The following ART3 variants were observed in gnomAD, a reference collection of about 807,000 sequenced individuals.
ART3 encodes the protein ecto-ADP-ribosyltransferase 3.
A neutral mutation model predicts 48.5 loss-of-function variants in ART3; 49 were observed. That is an observed-to-expected ratio of 1.01 (90% confidence interval 0.80 to 1.28). ART3 has a LOEUF of 1.28. Ranked by LOEUF, ART3 falls within the 50% of genes most tolerant of loss-of-function variation. The pLI, the probability that ART3 is intolerant of heterozygous loss-of-function variation, is 0.00. For synonymous variants in ART3, 145 were observed against 157.2 expected (o/e 0.92, Z 0.58); for missense variants, 438 against 454.3 (o/e 0.96, Z 0.33).
intron 1 of ART3, among the ~76,000 whole-genome samples, chr4:76,067,091 G>T (rs1719816617): frequency 6.6e-6 from 1 of 152,226 alleles, no homozygotes; most frequent in Admixed American, 6.5e-5. Context: ...AGGCCAACTG[G>T]AGTGGCTGCC....
Position 76,112,713 on chromosome 4 carries a change from A to C in ART3, c.*194A>C. 4.0e-6 allele frequency: 2 copies of C among 496,114 alleles called. No individual in the cohort carries two copies. The highest frequency in any genetic ancestry group is 4.6e-5 in the South Asian group (1 of 21,864). 30.7% of individuals were successfully genotyped at this position (496,114 alleles called of 1,614,324 possible). On this transcript the variant is annotated 3_prime_UTR_variant, in exon 12 of 12. Transcript: ENST00000355810. ...ATGTCACAGAACTTTTCACTTGTAT[A>C]CTACTCTTACAATGGAAAAAAATCC...
intron 1 of ART3, among the ~76,000 whole-genome samples, chr4:76,045,267 A>G (rs1735390796): frequency 6.6e-6 from 1 of 151,990 alleles, no homozygotes; most frequent in Non-Finnish European, 1.5e-5. Context: ...AGTCATGCTC[A>G]ATTGGTTCCC....
intron 8 of ART3, among the ~76,000 whole-genome samples, chr4:76,101,503 C>T (rs1359538888): frequency 2.0e-5 from 3 of 152,094 alleles, no homozygotes; most frequent in Non-Finnish European, 4.4e-5. Context: ...CGGGGTGGCT[C>T]ACGCCTATAA....
chr4:76,048,235 A>C (rs923468196), intron 1 of ART3, among the ~76,000 whole-genome samples: 1 of 151,912 alleles, frequency 6.6e-6, no homozygotes, highest in Non-Finnish European at 1.5e-5. Context: ...GAAAGCTTGG[A>C]CATAAGGTAT....
chr4:76,032,979 T>C (rs948863608), intron 1 of ART3, among the ~76,000 whole-genome samples: 1 of 151,928 alleles, frequency 6.6e-6, no homozygotes, highest in Non-Finnish European at 1.5e-5. Context: ...TTATTATAAA[T>C]CTATATTGTA....
Position 76,025,047 on chromosome 4 carries a change from T to C in ART3, c.-10+13727T>C, listed in dbSNP as rs1733249082. Among the ~76,000 whole-genome samples the C allele has an allele frequency of 2.0e-5, 3 of 152,162 alleles. No individual in the cohort carries two copies. In the South Asian group the frequency reaches 6.2e-4, roughly 32 times the overall value. On this transcript the variant is annotated intron_variant, in intron 1 of 9. Transcript: ENST00000341029. ...TCTAGGAACTGGAATAGAGCTAAGC[T>C]TTCAAGTGAATAAGTCAGTGGAATT...
rs1732693858 is a variant in ART3, at chr4:76,020,478, A to C, written c.-10+9158A>C. On this transcript the variant is annotated intron_variant, in intron 1 of 9. Transcript: ENST00000341029. ...TTTGCCAACTAAATGTATTGTGAAG[A>C]TCTTCTTAGTAAGTAATTGGATGTG... is the stretch of plus-strand genomic sequence containing the variant. 2.0e-5 allele frequency among the ~76,000 whole-genome samples: 3 copies of C among 152,184 alleles called. No individual in the cohort carries two copies. In the South Asian group the frequency reaches 6.2e-4, roughly 31 times the overall value.
intron 3 of ART3, among the ~76,000 whole-genome samples, chr4:76,088,739 C>G (rs920620225): frequency 1.3e-4 from 20 of 152,168 alleles, no homozygotes; most frequent in African/African-American, 3.9e-4. Context: ...ATAAGAAATT[C>G]GTACTTCTAA....
rs377498286 is a variant in ART3, at chr4:76,112,786, A to G, written c.*267A>G. On this transcript the variant is annotated 3_prime_UTR_variant, in exon 12 of 12. Transcript: ENST00000355810. ...AAATTCAATAAAAGATTTTGATTAG[A>G]TATTTCAGAATTGCCAGTATGCTCA... is the stretch of plus-strand genomic sequence containing the variant. The G allele has an allele frequency of 1.3e-5, 4 of 305,828 alleles. No homozygotes were observed. Among genetic ancestry groups the G allele is most frequent in the Non-Finnish European group, 1.8e-5 (3 of 168,076 alleles). 18.9% of individuals were successfully genotyped at this position (305,828 alleles called of 1,614,324 possible). A position where few individuals can be genotyped will look rare whatever the true frequency, so the allele number is the denominator to read the frequency against.
intron 3 of ART3, among the ~76,000 whole-genome samples, chr4:76,084,971 A>G (rs1723247827): frequency 6.6e-6 from 1 of 152,208 alleles, no homozygotes; most frequent in East Asian, 1.9e-4. Context: ...GCATGAGGCT[A>G]CTAAGCTAGA....
intron 8 of ART3, among the ~76,000 whole-genome samples, chr4:76,103,353 C>A (rs1039463550): frequency 6.6e-6 from 1 of 151,542 alleles, no homozygotes; most frequent in African/African-American, 2.4e-5. Flanking sequence ...CTCAGCGAGA[C>A]CCTGTCTCTC....
chr4:76,079,038 G>A (rs1449318518), intron 2 of ART3, among the ~76,000 whole-genome samples: 2 of 151,998 alleles, frequency 1.3e-5, no homozygotes, highest in Admixed American at 6.6e-5. Context: ...CCGAAATAGT[G>A]CCACTGCACT....
At chr4:76,111,657 C>T (rs1729505663) in intron 11 of ART3, among the ~76,000 whole-genome samples, 1 of 152,122 alleles carries the variant, frequency 6.6e-6, no homozygotes, top group East Asian at 1.9e-4. Flanking sequence ...ATTCTCCTGC[C>T]TCAGCCTCCT....
chr4:76,029,885 C>T (rs1733719583), intron 1 of ART3, among the ~76,000 whole-genome samples: 1 of 149,278 alleles, frequency 6.7e-6, no homozygotes, highest in South Asian at 2.1e-4. Flanking sequence ...TATTTAAAAT[C>T]GAATCTGCAG....
At chr4:76,052,895 A>G (rs537437085) in intron 1 of ART3, among the ~76,000 whole-genome samples, 1 of 151,864 alleles carries the variant, frequency 6.6e-6, no homozygotes, top group East Asian at 1.9e-4. Flanking sequence ...CACCAGGCTA[A>G]TTTTTGTATT....
intron 1 of ART3, among the ~76,000 whole-genome samples, chr4:76,050,684 G>T (rs1735980197): frequency 6.6e-6 from 1 of 152,206 alleles, no homozygotes; most frequent in African/African-American, 2.4e-5. Flanking sequence ...GTGGTCGATG[G>T]GACTGGGCAC....
At chr4:76,093,075 G>A (rs982127933) in intron 3 of ART3, among the ~76,000 whole-genome samples, 1 of 152,066 alleles carries the variant, frequency 6.6e-6, no homozygotes, top group Admixed American at 6.6e-5. Flanking sequence ...AGCTTCCAGA[G>A]GTTACCTGCA....
intron 1 of ART3, among the ~76,000 whole-genome samples, chr4:76,031,773 G>A (rs1219012670): frequency 6.6e-6 from 1 of 152,196 alleles, no homozygotes; most frequent in African/African-American, 2.4e-5. Context: ...AAACTGTACT[G>A]TTGGCCTGGG....
intron 8 of ART3, 108 bp from the exon 9 acceptor site, chr4:76,103,829 C>CT (rs33952924): frequency 0.18 from 135,215 of 764,716 alleles, 2,980 homozygotes; most frequent in East Asian, 0.3. Context: ...TTCCCCCTGC[C>CT]TTTTTTTTTT....
Sources: allele counts gnomAD v4.1 joint callset (sites outside exome capture counted in the v4.1 genomes callset), GRCh38; gene constraint gnomAD v4.1.1; transcripts MANE v1.5; gene names NCBI Gene and HGNC (gene_info 2026-07-23, HGNC 2026-07-21).